Variants in SPECC1 observed in about 807,000 individuals in gnomAD.
SPECC1 encodes the protein cytospin-B.
SPECC1 carries 62 observed loss-of-function variants against 104.1 expected under a neutral mutation model. The ratio of observed to expected loss-of-function variants is 0.60; its 90% CI spans 0.49 to 0.74. The LOEUF (loss-of-function observed/expected upper bound fraction) is 0.74, where lower values mean the gene tolerates loss of function less well. Ranked by LOEUF, SPECC1 falls within the 30% of genes least tolerant of loss-of-function variation. The pLI is 0.00. For missense variants in SPECC1, 1,306 were observed against 1,310.5 expected (o/e 1.00, Z 0.05); for synonymous variants, 513 against 501.6 (o/e 1.02, Z -0.30).
chr17:20,273,851 T>C (rs1399708141), intron 12 of SPECC1, among the ~76,000 whole-genome samples: 1 of 152,190 alleles, frequency 6.6e-6, no homozygotes, highest in Non-Finnish European at 1.5e-5. Context: ...GTTTTGTCTT[T>C]TTGCTTTCTT....
chr17:20,099,349 A>G (rs1443554002), intron 2 of SPECC1, among the ~76,000 whole-genome samples: 1 of 152,020 alleles, frequency 6.6e-6, no homozygotes, highest in Non-Finnish European at 1.5e-5. Context: ...ACAGATCATT[A>G]GAGCTGCTGG....
intron 3 of SPECC1, among the ~76,000 whole-genome samples, chr17:20,186,808 G>A (rs1463389099): frequency 6.6e-6 from 1 of 152,076 alleles, no homozygotes; most frequent in East Asian, 1.9e-4. Context: ...CTCAAGCAGT[G>A]CTCCTGCCTT....
intron 1 of SPECC1, among the ~76,000 whole-genome samples, chr17:20,061,574 A>G (rs1057150124): frequency 6.6e-6 from 1 of 152,242 alleles, no homozygotes; most frequent in Non-Finnish European, 1.5e-5. Context: ...TTTGATTGCT[A>G]TAAACAAGTA....
intron 3 of SPECC1, among the ~76,000 whole-genome samples, chr17:20,114,478 T>C (rs2048654896): frequency 6.6e-6 from 1 of 151,506 alleles, no homozygotes; most frequent in Admixed American, 6.6e-5. Context: ...GCGTGAGTCA[T>C]GGCGCCCAGC....
intron 12 of SPECC1, among the ~76,000 whole-genome samples, chr17:20,291,804 C>T (rs917599264): frequency 9.9e-5 from 15 of 151,944 alleles, no homozygotes; most frequent in Admixed American, 6.6e-4. Flanking sequence ...ATTGGCCTCC[C>T]AAAGTTCTGG....
At chr17:20,105,857 T>C (rs1035879715) in intron 2 of SPECC1, among the ~76,000 whole-genome samples, 1 of 152,130 alleles carries the variant, frequency 6.6e-6, no homozygotes, top group Non-Finnish European at 1.5e-5. Flanking sequence ...CCTCTGCTGC[T>C]CTGGGGTGGT....
chr17:20,294,279 G>C (rs1418148873), intron 12 of SPECC1, among the ~76,000 whole-genome samples: 1 of 152,238 alleles, frequency 6.6e-6, no homozygotes, highest in African/African-American at 2.4e-5. Flanking sequence ...ACCATGCCCA[G>C]CTAGAGTTGG....
At chr17:20,313,862 T>TGTAA in intron 14 of SPECC1, 114 bp from the exon 15 acceptor site, 1 of 914,864 alleles carries the variant, frequency 1.1e-6, no homozygotes, top group South Asian at 1.5e-5. Flanking sequence ...GTTCTGTCTG[T>TGTAA]GTAAGTGGAG....
At chr17:20,215,066 G>A (rs892899538) in intron 4 of SPECC1, among the ~76,000 whole-genome samples, 7 of 152,254 alleles carry the variant, frequency 4.6e-5, no homozygotes, top group Non-Finnish European at 1.0e-4. Context: ...AGCAACTGCC[G>A]ATGCAGCCAC....
At chr17:20,230,223 T>C (rs2038487289) in intron 5 of SPECC1, among the ~76,000 whole-genome samples, 1 of 152,206 alleles carries the variant, frequency 6.6e-6, no homozygotes, top group Non-Finnish European at 1.5e-5. Flanking sequence ...AGACAATAGT[T>C]CGGTGTTTGC....
chr17:20,109,729 C>T (rs1374164594), intron 2 of SPECC1, among the ~76,000 whole-genome samples: 1 of 152,212 alleles, frequency 6.6e-6, no homozygotes, highest in Non-Finnish European at 1.5e-5. Context: ...TGGCCTATGT[C>T]ATGAGCCTTT....
At chr17:20,057,450 AAAC>A (rs1210576821) in intron 1 of SPECC1, among the ~76,000 whole-genome samples, 2 of 152,044 alleles carry the variant, frequency 1.3e-5, no homozygotes, top group Non-Finnish European at 1.5e-5. Context: ...CAAAACAAAC[AAAC>A]AACAACAACA....
intron 3 of SPECC1, among the ~76,000 whole-genome samples, chr17:20,122,333 G>A (rs1298915228): frequency 2.6e-5 from 4 of 152,166 alleles, no homozygotes. Context: ...GTGGACAGAT[G>A]GGGTAAGCAG....
intron 1 of SPECC1, among the ~76,000 whole-genome samples, chr17:20,081,165 C>G (rs997529103): frequency 1.3e-5 from 2 of 152,016 alleles, no homozygotes; most frequent in Non-Finnish European, 2.9e-5. Context: ...TAGCATTTTC[C>G]CAATTGATAT....
intron 1 of SPECC1, among the ~76,000 whole-genome samples, chr17:20,036,182 G>A (rs1413011746): frequency 2.0e-5 from 3 of 151,914 alleles, no homozygotes; most frequent in Non-Finnish European, 4.4e-5. Context: ...TCACCAGGCT[G>A]GAATGCAGTG....
chr17:20,209,703 G>C (rs1156611985), intron 4 of SPECC1, among the ~76,000 whole-genome samples: 1 of 152,156 alleles, frequency 6.6e-6, no homozygotes, highest in African/African-American at 2.4e-5. Flanking sequence ...GATTTCCACA[G>C]AACCCAAAGC....
At position 20,278,017 on chromosome 17, in the gene SPECC1, G is replaced by A. The variant is rs531903595; in HGVS notation, c.2940+17723G>A. Among the ~76,000 whole-genome samples, 9 of 152,262 alleles carry A rather than the reference G, an allele frequency of 5.9e-5. No homozygotes were observed. In the East Asian group the frequency reaches 7.7e-4, roughly 13 times the overall value. On this transcript the variant is annotated intron_variant, in intron 12 of 14. Transcript: ENST00000395527. ...CTTCCAGAACCAAAGCTGGGAGATC[G>A]CCTGCTACCATGGCTTGAAAACCCT...
At chr17:20,261,319 A>G (rs994102387) in intron 12 of SPECC1, among the ~76,000 whole-genome samples, 1 of 151,942 alleles carries the variant, frequency 6.6e-6, no homozygotes, top group Admixed American at 6.6e-5. Flanking sequence ...TGGCTAACAC[A>G]GTGAAACCCC....
chr17:20,031,983 AC>A (rs780027870), intron 1 of SPECC1, among the ~76,000 whole-genome samples: 15 of 152,134 alleles, frequency 9.9e-5, no homozygotes, highest in East Asian at 5.8e-4. Context: ...ACTCTTCAAG[AC>A]CCTGGTTTCA....
Sources: gnomAD v4.1 joint callset for allele counts (sites outside exome capture counted in the v4.1 genomes callset) on GRCh38, gnomAD v4.1.1 for gene constraint, MANE v1.5 for transcripts, NCBI Gene and HGNC (gene_info 2026-07-23, HGNC 2026-07-21) for gene names.